SLC39A11: variants seen among roughly 807,000 people sequenced by gnomAD.
The protein encoded by SLC39A11 is solute carrier family 39 member 11.
In SLC39A11, 33 loss-of-function variants were observed where a neutral mutation model predicts 36.1. The ratio of observed to expected loss-of-function variants is 0.91; its 90% CI spans 0.69 to 1.22. The LOEUF (loss-of-function observed/expected upper bound fraction) is 1.22. Among genes scored for constraint, SLC39A11 ranks in the 50% most tolerant of loss-of-function variants. SLC39A11 has a pLI of 0.00. For synonymous variants in SLC39A11, 166 were observed against 170.3 expected, an observed-to-expected ratio of 0.97 and a Z score of 0.20; for missense variants, 432 against 430.3, an observed-to-expected ratio of 1.00 and a Z score of -0.03.
intron 5 of SLC39A11, among the ~76,000 whole-genome samples, chr17:72,908,750 C>A (rs1313439561): frequency 6.6e-6 from 1 of 152,160 alleles, no homozygotes; most frequent in Non-Finnish European, 1.5e-5. Context: ...ATGGGTGAGG[C>A]CTTCACCCCA....
At chr17:72,795,519 C>CGAA (rs1180706276) in intron 6 of SLC39A11, among the ~76,000 whole-genome samples, 1 of 152,130 alleles carries the variant, frequency 6.6e-6, no homozygotes, top group Non-Finnish European at 1.5e-5. Flanking sequence ...GACCTCAACT[C>CGAA]TAAGGTCGCA....
At chr17:72,744,253 A>C (rs975796362) in intron 6 of SLC39A11, among the ~76,000 whole-genome samples, 2 of 152,134 alleles carry the variant, frequency 1.3e-5, no homozygotes, top group African/African-American at 4.8e-5. Flanking sequence ...AGGGTTCCCC[A>C]CTATTGACAT....
chr17:72,660,635 C>A (rs146208604), intron 7 of SLC39A11, among the ~76,000 whole-genome samples: 298 of 152,280 alleles, frequency 2.0e-3, no homozygotes, highest in African/African-American at 6.7e-3. Flanking sequence ...GTTCTGGCCT[C>A]TTCTGGTCAA....
At chr17:73,021,022 ACTCC>A (rs1423479539) in intron 4 of SLC39A11, among the ~76,000 whole-genome samples, 1 of 148,774 alleles carries the variant, frequency 6.7e-6, no homozygotes, top group African/African-American at 2.5e-5. Flanking sequence ...TTTTCACAGA[ACTCC>A]CTCCCTCCCA....
intron 5 of SLC39A11, among the ~76,000 whole-genome samples, chr17:72,896,381 T>C (rs975590439): frequency 6.6e-6 from 1 of 151,790 alleles, no homozygotes; most frequent in Non-Finnish European, 1.5e-5. Flanking sequence ...TTTCTATTTT[T>C]AGTAGAGACA....
chr17:72,979,170 TC>T (rs1388002660), intron 4 of SLC39A11, among the ~76,000 whole-genome samples: 1 of 152,094 alleles, frequency 6.6e-6, no homozygotes, highest in East Asian at 1.9e-4. Flanking sequence ...AAGGGGCTCC[TC>T]CCCCTTCGCT....
rs4036979 is a variant in SLC39A11, at chr17:72,771,354, TAA to T, written c.602-34637_602-34636del. Among the ~76,000 whole-genome samples, 940 of 142,840 alleles carry T rather than the reference TAA, an allele frequency of 6.6e-3. 4 individuals are homozygous for T. Among genetic ancestry groups the T allele is most frequent in the Non-Finnish European group, 9.7e-3 (643 of 66,162 alleles). 93.7% of individuals were successfully genotyped at this position (142,840 alleles called of 152,430 possible). ...CTGGGCAACAGAGCGAGACCCTATC[TAA>T]AAAAAAAAAAAAAATCCTTAAACAG... On this transcript the variant is annotated intron_variant, in intron 6 of 9. Coordinates refer to ENST00000255559, the MANE Select transcript of SLC39A11 (RefSeq NM_139177.4).
At chr17:72,950,114 T>C (rs2085760421) in intron 4 of SLC39A11, among the ~76,000 whole-genome samples, 1 of 152,164 alleles carries the variant, frequency 6.6e-6, no homozygotes, top group Non-Finnish European at 1.5e-5. Context: ...ACATATGCCC[T>C]TCCTCTCATC....
Position 72,824,075 on chromosome 17 carries a change from A to G in SLC39A11, c.601+25559T>C, listed in dbSNP as rs115720597. 4.4e-3 allele frequency among the ~76,000 whole-genome samples: 665 copies of G among 151,454 alleles called. 9 individuals are homozygous for G. The highest frequency in any genetic ancestry group is 0.015 in the African/African-American group (631 of 41,494). On this transcript the variant is annotated intron_variant, in intron 6 of 9. Coordinates refer to ENST00000255559, the MANE Select transcript of SLC39A11 (RefSeq NM_139177.4). Reference sequence around the variant, plus strand: ...ATTCCCTTTTATACATAAACCAGTGATATGGTTTGGATTTGGGTTCCCACC... The same window carrying G: ...ATTCCCTTTTATACATAAACCAGTGGTATGGTTTGGATTTGGGTTCCCACC...
chr17:72,749,217 G>A (rs558770270), intron 6 of SLC39A11, among the ~76,000 whole-genome samples: 1 of 152,142 alleles, frequency 6.6e-6, no homozygotes, highest in Non-Finnish European at 1.5e-5. Flanking sequence ...CTTTGAGTGG[G>A]GAGGGCTGCT....
At chr17:72,717,041 TATATATACACATATATAC>T (rs1375648310) in intron 7 of SLC39A11, among the ~76,000 whole-genome samples, 8 of 144,472 alleles carry the variant, frequency 5.5e-5, no homozygotes, top group South Asian at 2.1e-4. Flanking sequence ...ACATATAAAA[TATATATACACATATATAC>T]ATATATACAC....
At chr17:73,060,210 CAAAAAAA>C (rs33931672) in intron 3 of SLC39A11, among the ~76,000 whole-genome samples, 1 of 70,340 alleles carries the variant, frequency 1.4e-5, no homozygotes, top group African/African-American at 5.6e-5. Context: ...AACTCCATCT[CAAAAAAA>C]AAAAAAAAAA....
intron 3 of SLC39A11, among the ~76,000 whole-genome samples, chr17:73,043,060 T>C (rs1171347048): frequency 6.6e-6 from 1 of 151,986 alleles, no homozygotes; most frequent in Non-Finnish European, 1.5e-5. Context: ...ACAGAAGACA[T>C]ATGATAGGAT....
At position 73,031,015 on chromosome 17, in the gene SLC39A11, G is replaced by C. The variant is rs1165325911; in HGVS notation, c.306+541C>G. 2.0e-5 allele frequency among the ~76,000 whole-genome samples: 3 copies of C among 152,290 alleles called. No homozygotes were observed. The East Asian group carries it at 5.8e-4, about 29-fold the overall frequency. On this transcript the variant is annotated intron_variant, in intron 4 of 9. Transcript: ENST00000255559. ...TAAAATTTTACTGTACAGTCCTTCG[G>C]GGGAGTTATCCTCAAATTAAAGGAT...
At chr17:72,975,005 A>G (rs976023092) in intron 4 of SLC39A11, among the ~76,000 whole-genome samples, 4 of 152,166 alleles carry the variant, frequency 2.6e-5, no homozygotes, top group African/African-American at 9.7e-5. Flanking sequence ...AGGCTATCCC[A>G]TCTTTGTTTG....
At chr17:72,849,535 C>G in intron 6 of SLC39A11, 99 bp downstream of exon 6, 1 of 1,287,508 alleles carries the variant, frequency 7.8e-7, no homozygotes, top group Non-Finnish European at 1.0e-6. Context: ...AAAGGACCCA[C>G]GTCACAATTG....
At chr17:72,707,130 T>C (rs1408528001) in intron 7 of SLC39A11, among the ~76,000 whole-genome samples, 8 of 152,234 alleles carry the variant, frequency 5.3e-5, no homozygotes, top group Non-Finnish European at 1.2e-4. Context: ...CCGGGCATCA[T>C]GGCTCATGTG....
intron 7 of SLC39A11, among the ~76,000 whole-genome samples, chr17:72,695,832 C>T (rs1189125742): frequency 6.6e-6 from 1 of 152,156 alleles, no homozygotes; most frequent in Non-Finnish European, 1.5e-5. Flanking sequence ...CCTGCAGCCA[C>T]CAGGAGCTGG....
At chr17:72,965,336 G>T (rs1005650705) in intron 4 of SLC39A11, among the ~76,000 whole-genome samples, 4 of 152,056 alleles carry the variant, frequency 2.6e-5, no homozygotes, top group South Asian at 2.1e-4. Context: ...TGCTGAGATG[G>T]ATAAAAGTAT....
Sources: gnomAD v4.1 joint callset for allele counts (sites outside exome capture counted in the v4.1 genomes callset) on GRCh38, gnomAD v4.1.1 for gene constraint, MANE v1.5 for transcripts, NCBI Gene and HGNC (gene_info 2026-07-23, HGNC 2026-07-21) for gene names.